Variants in WWP2 observed in about 807,000 individuals in gnomAD.
The protein encoded by WWP2 is NEDD4-like E3 ubiquitin-protein ligase WWP2.
WWP2 carries 57 observed loss-of-function variants against 121.0 expected under a neutral mutation model. That is an observed-to-expected ratio of 0.47 (90% CI 0.38 to 0.59). WWP2 has a LOEUF of 0.59. Among genes scored for constraint, WWP2 ranks in the 20% least tolerant of loss-of-function variants. The pLI is 0.00. For missense variants in WWP2, 962 were observed against 1,158.9 expected (o/e 0.83, Z 2.47); for synonymous variants, 449 against 441.3 (o/e 1.02, Z -0.22).
At chr16:69,845,960 G>C (rs2057067194) in intron 6 of WWP2, among the ~76,000 whole-genome samples, 1 of 142,962 alleles carries the variant, frequency 7.0e-6, no homozygotes. Flanking sequence ...TGAGGCAGGA[G>C]AATTGCCTGA....
chr16:69,789,149 C>T (rs897041778), intron 2 of WWP2, among the ~76,000 whole-genome samples: 4 of 152,076 alleles, frequency 2.6e-5, no homozygotes, highest in Non-Finnish European at 5.9e-5. Context: ...TTTCTTCCTC[C>T]CAGGTTAAAA....
intron 17 of WWP2, among the ~76,000 whole-genome samples, chr16:69,934,397 C>G (rs768314847): frequency 5.8e-4 from 88 of 152,058 alleles, no homozygotes; most frequent in Non-Finnish European, 1.2e-3. Flanking sequence ...AGAGAGAGTT[C>G]TGGAGAAACC....
At position 69,798,677 on chromosome 16, in the gene WWP2, C is replaced by G; in HGVS notation, c.71-5C>G. The G allele has an allele frequency of 6.2e-7, 1 of 1,613,196 alleles. No individual in the cohort carries two copies. Among genetic ancestry groups the G allele is most frequent in the Non-Finnish European group, 8.5e-7 (1 of 1,179,728 alleles). ...TCTTTGACTTTTTCTTTCTTTCTCT[C>G]CCAGTGGTGTCCGCAAAGCCCAAGG... On this transcript the variant is annotated splice_polypyrimidine_tract_variant and splice_region_variant and intron_variant, in intron 2 of 23. Transcript: ENST00000359154.
At chr16:69,841,696 GT>G (rs79237496) in intron 5 of WWP2, among the ~76,000 whole-genome samples, 24,107 of 152,096 alleles carry the variant, frequency 0.16, 2,208 homozygotes, top group East Asian at 0.39. Flanking sequence ...CATGGTTAGG[GT>G]TTTGTTCTCT....
At chr16:69,835,260 T>G (rs1448423863) in intron 4 of WWP2, among the ~76,000 whole-genome samples, 2 of 152,176 alleles carry the variant, frequency 1.3e-5, no homozygotes, top group Admixed American at 1.3e-4. Context: ...AGACTGCTAT[T>G]TATAACTAAG....
intron 7 of WWP2, among the ~76,000 whole-genome samples, chr16:69,885,102 TACACACACACACAC>T (rs3051438): frequency 3.6e-5 from 5 of 139,942 alleles, no homozygotes; most frequent in African/African-American, 7.9e-5. Flanking sequence ...AAACTCCTCC[TACACACACACACAC>T]ACACACACAC....
intron 6 of WWP2, among the ~76,000 whole-genome samples, chr16:69,852,311 C>T (rs1325956867): frequency 1.3e-5 from 2 of 151,546 alleles, no homozygotes; most frequent in Non-Finnish European, 2.9e-5. Flanking sequence ...GAGCCTCACT[C>T]TGTTGTCCAG....
chr16:69,941,073 A>G lies in WWP2; in HGVS notation c.*1133A>G, dbSNP rs1488305096. On this transcript the variant is annotated 3_prime_UTR_variant, in exon 24 of 24. Coordinates refer to ENST00000359154, the MANE Select transcript of WWP2 (RefSeq NM_001270454.2). ...CGCCAGCGGAAAGTGTTCATTCTGC[A>G]TAGGTGTGAGGCTTTATCTGCACAC... 6.6e-6 allele frequency: 1 copy of G among 152,562 alleles called. No individual in the cohort carries two copies. The allele number at this position is 152,562 out of a possible 1,614,324, so 9.5% of individuals were successfully genotyped here. A position where few individuals can be genotyped will look rare whatever the true frequency, so the allele number is the denominator to read the frequency against.
chr16:69,856,300 G>T (rs1011970444), intron 6 of WWP2, among the ~76,000 whole-genome samples: 1 of 152,130 alleles, frequency 6.6e-6, no homozygotes. Context: ...TGGGGGCATT[G>T]GAGGAGGGAT....
intron 6 of WWP2, among the ~76,000 whole-genome samples, chr16:69,849,632 C>A (rs1341673976): frequency 6.6e-6 from 1 of 152,138 alleles, no homozygotes. Flanking sequence ...CCACTGCATT[C>A]TCCAAGCCAG....
intron 4 of WWP2, among the ~76,000 whole-genome samples, chr16:69,814,990 ATATT>A (rs1046018960): frequency 2.0e-5 from 3 of 151,924 alleles, no homozygotes; most frequent in African/African-American, 7.2e-5. Flanking sequence ...TTTTTTAAAA[ATATT>A]TATTTATTTA....
chr16:69,862,286 A>T (rs1177250953), intron 6 of WWP2, among the ~76,000 whole-genome samples: 1 of 152,112 alleles, frequency 6.6e-6, no homozygotes, highest in East Asian at 1.9e-4. Flanking sequence ...ACAGGTCTGG[A>T]AGTCCCGACC....
intron 14 of WWP2, 117 bp from the exon 15 acceptor site, chr16:69,931,392 A>G (rs2058709327): frequency 1.3e-6 from 2 of 1,490,266 alleles, no homozygotes; most frequent in East Asian, 2.3e-5. Flanking sequence ...TTTCATTCCT[A>G]GGGCACATGC....
intron 1 of WWP2, among the ~76,000 whole-genome samples, chr16:69,781,508 A>G (rs570596003): frequency 1.3e-5 from 2 of 152,040 alleles, no homozygotes; most frequent in Admixed American, 1.3e-4. Flanking sequence ...CATCACACTC[A>G]GCTAATTTTT....
At chr16:69,933,450 A>T (rs781724320) in intron 16 of WWP2, among the ~76,000 whole-genome samples, 2 of 152,234 alleles carry the variant, frequency 1.3e-5, no homozygotes, top group African/African-American at 2.4e-5. Flanking sequence ...ATCTGAAGGC[A>T]GCATGGATTA....
At chr16:69,793,859 G>C (rs570231004) in intron 2 of WWP2, among the ~76,000 whole-genome samples, 2 of 141,842 alleles carry the variant, frequency 1.4e-5, no homozygotes, top group Non-Finnish European at 3.1e-5. Context: ...TGTGGCTGTT[G>C]ATTAGTTTTA....
At chr16:69,828,825 C>G (rs546459229) in intron 4 of WWP2, among the ~76,000 whole-genome samples, 36 of 152,234 alleles carry the variant, frequency 2.4e-4, no homozygotes, top group African/African-American at 8.7e-4. Context: ...TCCATGATCT[C>G]ATCTCTGTTT....
Position 69,897,355 on chromosome 16 carries a change from A to G in WWP2, c.914+9106A>G, listed in dbSNP as rs375196352. Among the ~76,000 whole-genome samples, 17 of 151,872 alleles carry G rather than the reference A, an allele frequency of 1.1e-4. 2 individuals are homozygous for G. Among genetic ancestry groups the G allele is most frequent in the East Asian group, 3.9e-4 (2 of 5,164 alleles). On this transcript the variant is annotated intron_variant, in intron 8 of 23. Transcript: ENST00000359154. ...TGGGCTCAAGCAATCTGCTCCCCTA[A>G]ACTTCCCAAAGTGCTGGGGTTACAG... is the stretch of plus-strand genomic sequence containing the variant.
At chr16:69,789,993 A>G (rs12445435) in intron 2 of WWP2, among the ~76,000 whole-genome samples, 3,685 of 152,336 alleles carry the variant, frequency 0.024, 271 homozygotes, top group East Asian at 0.16. Flanking sequence ...CTGTAATCCC[A>G]GCACTTTGAG....
Sources: gnomAD v4.1 joint callset for allele counts (sites outside exome capture counted in the v4.1 genomes callset) on GRCh38, gnomAD v4.1.1 for gene constraint, MANE v1.5 for transcripts, NCBI Gene and HGNC (gene_info 2026-07-23, HGNC 2026-07-21) for gene names.